The following RTTN variants were observed in gnomAD, a reference collection of about 807,000 sequenced individuals.
The protein encoded by RTTN is rotatin.
In RTTN, 182 loss-of-function variants were observed where a neutral mutation model predicts 269.2. The observed-to-expected ratio is 0.68, with a 90% CI of 0.60 to 0.76. RTTN has a LOEUF of 0.76. Ranked by LOEUF, RTTN falls within the 30% of genes least tolerant of loss-of-function variation. RTTN has a pLI of 0.00. For synonymous variants in RTTN, 1,006 were observed against 963.5 expected (o/e 1.04, Z -0.82); for missense variants, 2,545 against 2,608.6 (o/e 0.98, Z 0.53).
At chr18:70,192,927 ATTTCT>A (rs2061712389) in intron 8 of RTTN, 1 of 168,266 alleles carries the variant, frequency 5.9e-6, no homozygotes. Flanking sequence ...GGTCAGAATC[ATTTCT>A]TTTCTAATGA....
At chr18:70,054,317 A>T in intron 37 of RTTN, 33 bp from the exon 38 acceptor site, 1 of 1,565,890 alleles carries the variant, frequency 6.4e-7, no homozygotes, top group Non-Finnish European at 8.7e-7. Flanking sequence ...CAAATCAAAC[A>T]TGCCATATAA....
At chr18:70,186,461 C>G (rs1462767572) in intron 10 of RTTN, among the ~76,000 whole-genome samples, 1 of 152,148 alleles carries the variant, frequency 6.6e-6, no homozygotes, top group Non-Finnish European at 1.5e-5. Flanking sequence ...ACTACATAAA[C>G]AACATGGCTC....
chr18:70,030,938 G>A lies in RTTN; in HGVS notation c.5585C>T (p.Ala1862Val), dbSNP rs1176791342. The part of the protein sequence containing the change: ...KSSKDILKRV[A>V]ANALMSLLAV... ...CAGCAGTGACATCAATGCATTTGCA[G>A]CTACTCTTTTCAGGATATCTTTGGA... Residue 1862 changes from alanine (A) to valine (V), a missense_variant, in exon 41 of 49, where the codon GCT becomes GTT. Physicochemically the swap from Ala to Val is moderately conservative, Grantham distance 64 (BLOSUM62 0). Transcript: ENST00000640769. The A allele has an allele frequency of 8.1e-6, 13 of 1,613,666 alleles. No individual in the cohort carries two copies. Among genetic ancestry groups the A allele is most frequent in the African/African-American group, 1.3e-5 (1 of 75,040 alleles).
intron 43 of RTTN, 70 bp from the exon 44 acceptor site, chr18:70,024,918 C>A: frequency 6.5e-7 from 1 of 1,532,076 alleles, no homozygotes; most frequent in East Asian, 2.3e-5. Flanking sequence ...ATCAAAACAA[C>A]AACAGAAAGC....
At chr18:70,193,214 T>A in intron 8 of RTTN, 74 bp downstream of exon 8, 41 of 1,168,086 alleles carry the variant, frequency 3.5e-5, no homozygotes, top group African/African-American at 4.8e-5. Context: ...AAAATAATTA[T>A]CTCCTTCTGA....
At chr18:70,092,605 G>C in intron 29 of RTTN, 71 bp downstream of exon 29, 2 of 1,529,760 alleles carry the variant, frequency 1.3e-6, no homozygotes, top group Non-Finnish European at 1.8e-6. Context: ...TTATATGCTT[G>C]AAATGTGTTG....
In RTTN at chr18:70,028,937, G is replaced by A. The variant is rs1285768640; in HGVS notation, c.5746-136C>T. The A allele has an allele frequency of 5.8e-6, 3 of 512,844 alleles. No individual in the cohort carries two copies. The South Asian group carries it at 1.0e-4, about 18-fold the overall frequency. 31.8% of individuals were successfully genotyped at this position (512,844 alleles called of 1,614,324 possible). On this transcript the variant is annotated intron_variant, in intron 42 of 48. Transcript: ENST00000640769. ...TCATGCCCAACCACTGTAACTTTGA[G>A]GGAACTGACAGGCTAACGATCTCTG...
intron 30 of RTTN, among the ~76,000 whole-genome samples, chr18:70,088,817 G>A (rs1470429044): frequency 6.6e-6 from 1 of 152,012 alleles, no homozygotes; most frequent in Non-Finnish European, 1.5e-5. Context: ...ACTAAAAAAT[G>A]TATTTCAAAT....
intron 40 of RTTN, among the ~76,000 whole-genome samples, chr18:70,044,765 C>G (rs908120418): frequency 6.6e-6 from 1 of 152,128 alleles, no homozygotes; most frequent in Non-Finnish European, 1.5e-5. Flanking sequence ...TGAATGGGCA[C>G]GTATCATATG....
chr18:70,108,445 A>G (rs1399636604), intron 28 of RTTN, among the ~76,000 whole-genome samples: 1 of 152,190 alleles, frequency 6.6e-6, no homozygotes, highest in African/African-American at 2.4e-5. Flanking sequence ...AAGATTTAAA[A>G]TGGTTGAAAA....
chr18:70,155,710 G>A (rs1202641162), intron 14 of RTTN, among the ~76,000 whole-genome samples: 1 of 152,262 alleles, frequency 6.6e-6, no homozygotes, highest in African/African-American at 2.4e-5. Flanking sequence ...CATGGCCATA[G>A]GTGCCTGTTG....
chr18:70,197,546 ACTC>A, intron 6 of RTTN, 75 bp downstream of exon 6: 2 of 826,598 alleles, frequency 2.4e-6, no homozygotes, highest in South Asian at 2.8e-5. Flanking sequence ...CTTCCCAAGA[ACTC>A]CTACTCTGCA....
chr18:70,104,323 T>A (rs562081763), intron 28 of RTTN, among the ~76,000 whole-genome samples: 3 of 152,336 alleles, frequency 2.0e-5, no homozygotes, highest in East Asian at 3.9e-4. Flanking sequence ...TCTTGTGCCA[T>A]GATTTTCAGC....
At chr18:70,099,149 G>C (rs1208935490) in intron 28 of RTTN, among the ~76,000 whole-genome samples, 2 of 152,160 alleles carry the variant, frequency 1.3e-5, no homozygotes, top group Non-Finnish European at 2.9e-5. Flanking sequence ...TCTAGTTCTA[G>C]ATCCTTAAGG....
At chr18:70,127,956 T>C in intron 24 of RTTN, 1 of 534,960 alleles carries the variant, frequency 1.9e-6, no homozygotes, top group Non-Finnish European at 3.3e-6. Flanking sequence ...TTCCTCCTTA[T>C]AAAAATTTTT....
Position 70,145,688 on chromosome 18 carries a change from G to C in RTTN, c.2405C>G (p.Ser802Cys). 6.2e-7 allele frequency: 1 copy of C among 1,613,276 alleles called. No homozygotes were observed. Among genetic ancestry groups the C allele is most frequent in the South Asian group, 1.1e-5 (1 of 90,988 alleles). The change falls in exon 18 of 49, where the codon TCC becomes TGC. Residue 802 changes from serine to cysteine, a missense_variant. Ser to Cys is a moderately radical substitution (Grantham distance 112, BLOSUM62 -1). Coordinates refer to ENST00000640769, the MANE Select transcript of RTTN (RefSeq NM_173630.4). The part of the protein sequence containing the change: ...KRPLIDARVL[S>C]RVTDLFIGKK... ...CCCAATGAATAAATCAGTAACTCTG[G>C]AGAGAACTCTGGCGTCTATTAGAGG...
intron 10 of RTTN, among the ~76,000 whole-genome samples, chr18:70,182,132 G>C (rs1432140970): frequency 1.3e-5 from 2 of 151,988 alleles, no homozygotes; most frequent in African/African-American, 4.8e-5. Context: ...TAACCTTAAG[G>C]ACTAAAGAAA....
chr18:70,123,658 T>C (rs1333870842), intron 25 of RTTN, among the ~76,000 whole-genome samples: 1 of 152,168 alleles, frequency 6.6e-6, no homozygotes, highest in African/African-American at 2.4e-5. Flanking sequence ...CTACCTGTTA[T>C]GCCTTGGCTT....
chr18:70,101,167 G>A (rs1050404544), intron 28 of RTTN, among the ~76,000 whole-genome samples: 4 of 152,136 alleles, frequency 2.6e-5, no homozygotes, highest in South Asian at 2.1e-4. Flanking sequence ...GCTCCTCTTC[G>A]TACCTCTGGT....
Sources: gnomAD v4.1 joint callset for allele counts (sites outside exome capture counted in the v4.1 genomes callset) on GRCh38, gnomAD v4.1.1 for gene constraint, MANE v1.5 for transcripts, NCBI Gene and HGNC (gene_info 2026-07-23, HGNC 2026-07-21) for gene names.